Variants in NDE1 observed in about 807,000 individuals in gnomAD.
The protein encoded by NDE1 is nudE neurodevelopment protein 1.
A neutral mutation model predicts 43.4 loss-of-function variants in NDE1; 28 were observed. The observed-to-expected ratio is 0.65, with a 90% confidence interval of 0.48 to 0.89. The LOEUF is 0.89. Among genes scored for constraint, NDE1 ranks in the 40% least tolerant of loss-of-function variants. NDE1 has a pLI of 0.00. For synonymous variants in NDE1, 184 were observed against 172.0 expected (o/e 1.07, Z -0.55); for missense variants, 441 against 434.1 (o/e 1.02, Z -0.14).
At chr16:15,704,773 A>G (rs1328660316) in intron 8 of NDE1, among the ~76,000 whole-genome samples, 8 of 152,250 alleles carry the variant, frequency 5.3e-5, no homozygotes, top group Admixed American at 3.3e-4. Context: ...ATCGTGGAAC[A>G]TACCGCACAT....
chr16:15,699,880 T>C, intron 8 of NDE1: 4 of 1,303,208 alleles, frequency 3.1e-6, no homozygotes, highest in Non-Finnish European at 4.0e-6. Context: ...CCTTTTGTCG[T>C]CTTTTTACAC....
At chr16:15,709,043 A>G (rs1037233570) in intron 8 of NDE1, among the ~76,000 whole-genome samples, 1 of 151,962 alleles carries the variant, frequency 6.6e-6, no homozygotes, top group Non-Finnish European at 1.5e-5. Flanking sequence ...CCTGGATTCA[A>G]GTGATCCCCT....
intron 8 of NDE1, among the ~76,000 whole-genome samples, chr16:15,698,436 C>T (rs1414373022): frequency 6.6e-6 from 1 of 152,188 alleles, no homozygotes; most frequent in African/African-American, 2.4e-5. Flanking sequence ...AGGAATTCTG[C>T]AAGGTGTGTG....
In NDE1 at chr16:15,725,234, T is replaced by G; in HGVS notation, c.*983T>G. The G allele has an allele frequency of 1.7e-6, 1 of 602,392 alleles. No homozygotes were observed. Among genetic ancestry groups the G allele is most frequent in the East Asian group, 2.8e-5 (1 of 36,046 alleles). The allele number at this position is 602,392 out of a possible 1,614,324, so 37.3% of individuals were successfully genotyped here. ...GTTGGGACCCTGGCCCTAGACTCTG[T>G]GGTTCTAAGAACTTATTTGAGCCCC... On this transcript the variant is annotated 3_prime_UTR_variant, in exon 9 of 9. Coordinates refer to ENST00000396354, the MANE Select transcript of NDE1 (RefSeq NM_017668.3).
intron 1 of NDE1, among the ~76,000 whole-genome samples, chr16:15,658,745 C>G (rs1799723338): frequency 6.6e-6 from 1 of 152,170 alleles, no homozygotes; most frequent in African/African-American, 2.4e-5. Flanking sequence ...CAACCTCTGG[C>G]TCCCGGGTTC....
chr16:15,692,318 A>G (rs1467636504), intron 6 of NDE1, among the ~76,000 whole-genome samples: 2 of 152,218 alleles, frequency 1.3e-5, no homozygotes, highest in Non-Finnish European at 2.9e-5. Context: ...GGCAGGCTCC[A>G]GGGCTTACCC....
At position 15,708,834 on chromosome 16, in the gene NDE1, G is replaced by A. The variant is rs1338501284; in HGVS notation, c.947+11974G>A. 5 of 1,610,206 alleles carry A rather than the reference G, an allele frequency of 3.1e-6. No individual in the cohort carries two copies. Among genetic ancestry groups the A allele is most frequent in the Non-Finnish European group, 4.2e-6 (5 of 1,178,574 alleles). The stretch of plus-strand genomic sequence containing the variant: ...CATCACTGCGAAGTTTCCTGTGGGG[G>A]GGGCCCTCTGAAACAGAGAGAGAAT... On this transcript the variant is annotated intron_variant, in intron 8 of 8. Coordinates refer to ENST00000396354, the MANE Select transcript of NDE1 (RefSeq NM_017668.3).
At chr16:15,691,508 T>C (rs973190632) in intron 6 of NDE1, among the ~76,000 whole-genome samples, 185 bp downstream of exon 6, 1 of 151,838 alleles carries the variant, frequency 6.6e-6, no homozygotes. Context: ...GAGGACTGGG[T>C]AAGAGGCAGT....
Position 15,724,624 on chromosome 16 carries a change from A to C in NDE1, c.*373A>C. 1.2e-6 allele frequency: 2 copies of C among 1,613,540 alleles called. No individual in the cohort carries two copies. The highest frequency in any genetic ancestry group is 2.2e-5 in the South Asian group (2 of 91,044). ...GAGAAGTTGAGAGGACCCATGAAGGAAGCAAGGACACGGGGCAGGCACCTG... is the reference window on the plus strand; with the variant it reads ...GAGAAGTTGAGAGGACCCATGAAGGCAGCAAGGACACGGGGCAGGCACCTG... On this transcript the variant is annotated 3_prime_UTR_variant, in exon 9 of 9. Coordinates refer to ENST00000396354, the MANE Select transcript of NDE1 (RefSeq NM_017668.3).
At chr16:15,682,864 A>G (rs2038253897) in intron 4 of NDE1, among the ~76,000 whole-genome samples, 2 of 152,102 alleles carry the variant, frequency 1.3e-5, no homozygotes, top group South Asian at 4.1e-4. Context: ...AGCTGGGACT[A>G]CATTGCATGT....
intron 3 of NDE1, among the ~76,000 whole-genome samples, chr16:15,676,496 G>A (rs1463172600): frequency 6.6e-6 from 1 of 152,174 alleles, no homozygotes; most frequent in African/African-American, 2.4e-5. Context: ...ACAGGTGTGA[G>A]CCACTGCGCC....
At chr16:15,680,439 T>G (rs1359765128) in intron 4 of NDE1, among the ~76,000 whole-genome samples, 1 of 152,166 alleles carries the variant, frequency 6.6e-6, no homozygotes, top group Non-Finnish European at 1.5e-5. Flanking sequence ...TTGTAAACAT[T>G]TTACTTAGAA....
At chr16:15,671,354 T>C (rs11649317) in intron 3 of NDE1, among the ~76,000 whole-genome samples, 30,439 of 151,818 alleles carry the variant, frequency 0.2, 3,823 homozygotes, top group Middle Eastern at 0.35. Context: ...AAAATAAAAA[T>C]AAAAAATTCA....
rs1295303475 is a variant in NDE1 at position 15,709,567 on chromosome 16, G to A, written c.947+12707G>A. 5.9e-5 allele frequency among the ~76,000 whole-genome samples: 9 copies of A among 152,108 alleles called. No homozygotes were observed. In the South Asian group the frequency reaches 6.2e-4, roughly 11 times the overall value. Reference sequence around the variant, plus strand: ...TGACCTCAAGTGATCCACCCACCTCGGCCTCCCAAAGAGCTGGGATTACAG... The same window carrying A: ...TGACCTCAAGTGATCCACCCACCTCAGCCTCCCAAAGAGCTGGGATTACAG... On this transcript the variant is annotated intron_variant, in intron 8 of 8. Transcript: ENST00000396354.
intron 3 of NDE1, among the ~76,000 whole-genome samples, chr16:15,671,304 G>C (rs577189654): frequency 1.3e-5 from 2 of 152,138 alleles, no homozygotes; most frequent in Non-Finnish European, 2.9e-5. Flanking sequence ...AGGAGTTCAA[G>C]GCCAGCCTGG....
At chr16:15,689,905 C>T (rs2038643874) in intron 5 of NDE1, among the ~76,000 whole-genome samples, 1 of 134,464 alleles carries the variant, frequency 7.4e-6, no homozygotes, top group African/African-American at 2.8e-5. Flanking sequence ...TGCCACTGCA[C>T]TTAAGCCCGG....
chr16:15,677,788 T>C lies in NDE1; in HGVS notation c.238-13T>C. Reference sequence around the variant, plus strand: ...TCTTAAGTCATTCACTCAGTGTCTGTGTTGTCCTTCAGGAGAAGTTTGAAG... The same window carrying C: ...TCTTAAGTCATTCACTCAGTGTCTGCGTTGTCCTTCAGGAGAAGTTTGAAG... On this transcript the variant is annotated splice_polypyrimidine_tract_variant and intron_variant, in intron 3 of 8. Coordinates refer to ENST00000396354, the MANE Select transcript of NDE1 (RefSeq NM_017668.3). 1.2e-6 allele frequency: 2 copies of C among 1,614,058 alleles called. No individual in the cohort carries two copies. The highest frequency in any genetic ancestry group is 1.7e-6 in the Non-Finnish European group (2 of 1,179,988).
intron 1 of NDE1, among the ~76,000 whole-genome samples, chr16:15,655,385 T>G (rs879374005): frequency 7.9e-5 from 12 of 152,284 alleles, no homozygotes; most frequent in Non-Finnish European, 1.5e-4. Context: ...GCTCAAGCAA[T>G]CTGCCCACCT....
intron 8 of NDE1, chr16:15,720,776 G>T: frequency 6.6e-7 from 1 of 1,504,512 alleles, no homozygotes; most frequent in South Asian, 1.1e-5. Context: ...AACCATGAGA[G>T]TGGTGATAGG....
Sources: gnomAD v4.1 joint callset for allele counts (sites outside exome capture counted in the v4.1 genomes callset) on GRCh38, gnomAD v4.1.1 for gene constraint, MANE v1.5 for transcripts, NCBI Gene and HGNC (gene_info 2026-07-23, HGNC 2026-07-21) for gene names.